The following NLE1 variants were observed in gnomAD, a reference collection of about 807,000 sequenced individuals.
The protein encoded by NLE1 is notchless protein homolog 1.
Under a neutral mutation model 62.8 loss-of-function variants are expected in NLE1, and 37 were observed. The observed-to-expected ratio is 0.59, with a 90% CI of 0.45 to 0.78. NLE1 has a LOEUF of 0.78. NLE1 is among the 30% of genes least tolerant of loss of function. The probability of loss-of-function intolerance (pLI) is 0.00; values close to 1 mark genes in which losing one functional copy is unlikely to be tolerated. For missense variants in NLE1, 555 were observed against 637.9 expected, an observed-to-expected ratio of 0.87 and a Z score of 1.40; for synonymous variants, 243 against 253.0, an observed-to-expected ratio of 0.96 and a Z score of 0.37.
At chr17:35,136,716 C>T (rs1178431176) in intron 7 of NLE1, among the ~76,000 whole-genome samples, 1 of 152,258 alleles carries the variant, frequency 6.6e-6, no homozygotes, top group African/African-American at 2.4e-5. Flanking sequence ...TCAGAGTAAA[C>T]GGCTCCTGTC....
chr17:35,133,100 G>GA, intron 12 of NLE1, 71 bp downstream of exon 12: 1 of 1,414,556 alleles, frequency 7.1e-7, no homozygotes, highest in Non-Finnish European at 1.0e-6. Flanking sequence ...TGCTGTAAGG[G>GA]AAAGTGTGCA....
rs762050355 is a variant in NLE1 at position 35,135,383 on chromosome 17, C to T, written c.1080G>A (p.Glu360=). The T allele has an allele frequency of 5.0e-6, 8 of 1,614,090 alleles. No individual in the cohort carries two copies. The African/African-American group carries it at 5.3e-5, about 11-fold the overall frequency. ...TCATCCGAGTGAGAGGCTTTTTGTC[C>T]TCTGCTGGGGACCACAGGAATAAGG... ...DFTLFLWSPA[E]DKKPLTRMTG... The change falls in exon 10 of 13, where the codon GAG becomes GAA. Residue 360 remains glutamate (E), a synonymous_variant. Coordinates refer to ENST00000442241, the MANE Select transcript of NLE1 (RefSeq NM_018096.5).
chr17:35,135,439 C>A lies in NLE1; in HGVS notation c.1024G>T (p.Glu342Ter). The A allele has an allele frequency of 6.2e-7, 1 of 1,614,080 alleles. No homozygotes were observed. The highest frequency in any genetic ancestry group is 8.5e-7 in the Non-Finnish European group (1 of 1,179,976). Residue 342 changes from glutamate (E) to a stop codon, truncating the protein, a stop_gained, in exon 10 of 13, where the codon GAG becomes TAG. Coordinates refer to ENST00000442241, the MANE Select transcript of NLE1 (RefSeq NM_018096.5). LOFTEE classifies it high-confidence loss of function. ...TCGTCGGAGCCAGACACCAGCCTCTCTGGACCCTGGCCCTAGGGGAGGCAG... is the reference window on the plus strand; with the variant it reads ...TCGTCGGAGCCAGACACCAGCCTCTATGGACCCTGGCCCTAGGGGAGGCAG... ...RYNLVRGQGP[E>*]RLVSGSDDFT...
At chr17:35,133,577 G>T in intron 10 of NLE1, 79 bp from the exon 11 acceptor site, 1 of 1,366,652 alleles carries the variant, frequency 7.3e-7, no homozygotes. Flanking sequence ...CTACGCTCAT[G>T]GCAGTGGTTC....
In NLE1 at chr17:35,129,895, T is replaced by G. The variant is rs2091866153; in HGVS notation, c.*2542A>C. 1 of 1,398,396 alleles carries G rather than the reference T, an allele frequency of 7.2e-7. No individual in the cohort carries two copies. The highest frequency in any genetic ancestry group is 1.4e-5 in the African/African-American group (1 of 69,124). The allele number at this position is 1,398,396 out of a possible 1,614,324, so 86.6% of individuals were successfully genotyped here. A position where few individuals can be genotyped will look rare whatever the true frequency, so the allele number is the denominator to read the frequency against. Reference sequence around the variant, plus strand: ...TGTATTTTTCAACATCACTATAATGTTCCCCTTCCAAAGCCATTGGTTTTT... The same window carrying G: ...TGTATTTTTCAACATCACTATAATGGTCCCCTTCCAAAGCCATTGGTTTTT... On this transcript the variant is annotated 3_prime_UTR_variant, in exon 13 of 13. Transcript: ENST00000442241.
Position 35,129,793 on chromosome 17 carries a change from G to GCAT in NLE1, c.*2641_*2643dup, listed in dbSNP as rs1343069079. On this transcript the variant is annotated 3_prime_UTR_variant, in exon 13 of 13. Transcript: ENST00000442241. ...GCTTTCCTTCTGCCTGGGTCAAGAA[G>GCAT]CATCAATTCCAGAATGCATGCTTCT... The GCAT allele has an allele frequency of 6.9e-7, 1 of 1,452,042 alleles. No homozygotes were observed. The highest frequency in any genetic ancestry group is 9.0e-7 in the Non-Finnish European group (1 of 1,105,872). 89.9% of individuals were successfully genotyped at this position (1,452,042 alleles called of 1,614,324 possible).
chr17:35,129,711 G>A lies in NLE1; in HGVS notation c.*2726C>T, dbSNP rs2091865158. On this transcript the variant is annotated 3_prime_UTR_variant, in exon 13 of 13. Transcript: ENST00000442241. ...GGGGTGGAGAGAAGTCCAAAGCCAGGGAACCAGGGCTTTGGAGGTTGGGAA... is the reference window on the plus strand; with the variant it reads ...GGGGTGGAGAGAAGTCCAAAGCCAGAGAACCAGGGCTTTGGAGGTTGGGAA... The A allele has an allele frequency of 6.3e-7, 1 of 1,585,928 alleles. No individual in the cohort carries two copies. The highest frequency in any genetic ancestry group is 8.6e-7 in the Non-Finnish European group (1 of 1,166,828).
intron 2 of NLE1, among the ~76,000 whole-genome samples, 193 bp from the exon 3 acceptor site, chr17:35,140,259 C>T (rs1305755727): frequency 1.3e-5 from 2 of 152,222 alleles, no homozygotes; most frequent in African/African-American, 4.8e-5. Flanking sequence ...ACAAGAGTCT[C>T]GCTCTGTCAC....
Position 35,133,500 on chromosome 17 carries a change from T to C in NLE1, c.1215-2A>G. On this transcript the variant is annotated splice_acceptor_variant, in intron 10 of 12. Transcript: ENST00000442241. LOFTEE classifies it high-confidence loss of function. The stretch of plus-strand genomic sequence containing the variant: ...TGGCCGCGTAGGGAAGCCAGGTACC[T>C]GGTCCAGGAGAAGACGATGATGGAT... 6.2e-7 allele frequency: 1 copy of C among 1,609,554 alleles called. No homozygotes were observed. Among genetic ancestry groups the C allele is most frequent in the Non-Finnish European group, 8.5e-7 (1 of 1,178,506 alleles).
rs543993116 is a variant in NLE1, at chr17:35,136,104, G to C, written c.1011+65C>G. On this transcript the variant is annotated intron_variant, in intron 9 of 12. Transcript: ENST00000442241. ...GTCTAGAAGGGAGAAGGGTCTGAGA[G>C]GGTTTTAGTGATTGGCTAAGGACTG... 22 of 1,526,570 alleles carry C rather than the reference G, an allele frequency of 1.4e-5. No individual in the cohort carries two copies. In the South Asian group the frequency reaches 2.4e-4, roughly 17 times the overall value. The allele number at this position is 1,526,570 out of a possible 1,614,324, so 94.6% of individuals were successfully genotyped here. A position where few individuals can be genotyped will look rare whatever the true frequency, so the allele number is the denominator to read the frequency against.
Position 35,129,822 on chromosome 17 carries a change from A to C in NLE1, c.*2615T>G, listed in dbSNP as rs2091865707. ...CAATTCCAGAATGCATGCTTCTGGG[A>C]GGTTTAAGGATTAAGCCACTCTGGG... On this transcript the variant is annotated 3_prime_UTR_variant, in exon 13 of 13. Coordinates refer to ENST00000442241, the MANE Select transcript of NLE1 (RefSeq NM_018096.5). 1.4e-6 allele frequency: 2 copies of C among 1,428,260 alleles called. No homozygotes were observed. Among genetic ancestry groups the C allele is most frequent in the East Asian group, 5.1e-5 (2 of 38,968 alleles). 88.5% of individuals were successfully genotyped at this position (1,428,260 alleles called of 1,614,324 possible).
rs543199253 is a variant in NLE1 at position 35,130,406 on chromosome 17, A to G, written c.*2031T>C. 2 of 1,614,052 alleles carry G rather than the reference A, an allele frequency of 1.2e-6. No homozygotes were observed. Among genetic ancestry groups the G allele is most frequent in the Admixed American group, 1.7e-5 (1 of 60,008 alleles). ...GGGCCGGAGGAGATGCGGAGGCTGG[A>G]GGATCTGGAATACCTATTTCCCTGT... is the stretch of plus-strand genomic sequence containing the variant. On this transcript the variant is annotated 3_prime_UTR_variant, in exon 13 of 13. Transcript: ENST00000442241.
Position 35,130,424 on chromosome 17 carries a change from T to C in NLE1, c.*2013A>G. ...AGGCTGGAGGATCTGGAATACCTATTTCCCTGTTAAGGGGGAGGGCCCCAG... is the reference window on the plus strand; with the variant it reads ...AGGCTGGAGGATCTGGAATACCTATCTCCCTGTTAAGGGGGAGGGCCCCAG... On this transcript the variant is annotated 3_prime_UTR_variant, in exon 13 of 13. Coordinates refer to ENST00000442241, the MANE Select transcript of NLE1 (RefSeq NM_018096.5). The C allele has an allele frequency of 6.2e-7, 1 of 1,613,812 alleles. No individual in the cohort carries two copies. The highest frequency in any genetic ancestry group is 8.5e-7 in the Non-Finnish European group (1 of 1,179,926).
chr17:35,138,184 G>C (rs1011079731), intron 4 of NLE1, among the ~76,000 whole-genome samples: 6 of 152,182 alleles, frequency 3.9e-5, no homozygotes, highest in African/African-American at 9.7e-5. Flanking sequence ...CTAAGCTATG[G>C]AGCAAAGCAA....
chr17:35,129,728 G>C lies in NLE1; in HGVS notation c.*2709C>G. ...AAAGCCAGGGAACCAGGGCTTTGGAGGTTGGGAACACCCCTATGCCCACAT... is the reference window on the plus strand; with the variant it reads ...AAAGCCAGGGAACCAGGGCTTTGGACGTTGGGAACACCCCTATGCCCACAT... On this transcript the variant is annotated 3_prime_UTR_variant, in exon 13 of 13. Transcript: ENST00000442241. The C allele has an allele frequency of 6.4e-7, 1 of 1,557,584 alleles. No homozygotes were observed. The highest frequency in any genetic ancestry group is 8.7e-7 in the Non-Finnish European group (1 of 1,151,892).
At position 35,133,501 on chromosome 17, in the gene NLE1, G is replaced by A. The variant is rs1208321965; in HGVS notation, c.1215-3C>T. 6.2e-7 allele frequency: 1 copy of A among 1,609,118 alleles called. No homozygotes were observed. Among genetic ancestry groups the A allele is most frequent in the Non-Finnish European group, 8.5e-7 (1 of 1,178,350 alleles). On this transcript the variant is annotated splice_polypyrimidine_tract_variant and splice_region_variant and intron_variant, in intron 10 of 12. Coordinates refer to ENST00000442241, the MANE Select transcript of NLE1 (RefSeq NM_018096.5). ...GGCCGCGTAGGGAAGCCAGGTACCTGGTCCAGGAGAAGACGATGATGGATT... is the reference window on the plus strand; with the variant it reads ...GGCCGCGTAGGGAAGCCAGGTACCTAGTCCAGGAGAAGACGATGATGGATT...
At chr17:35,136,062 G>C (rs2091906503) in intron 9 of NLE1, 107 bp downstream of exon 9, 1 of 1,079,806 alleles carries the variant, frequency 9.3e-7, no homozygotes, top group African/African-American at 1.6e-5. Context: ...TTTTGGAATA[G>C]GTACATTCTG....
chr17:35,140,217 A>C, intron 2 of NLE1, 151 bp from the exon 3 acceptor site: 1 of 794,652 alleles, frequency 1.3e-6, no homozygotes, highest in Non-Finnish European at 2.0e-6. Flanking sequence ...ATTGAGCAAG[A>C]CCTTTTATTT....
At chr17:35,132,652 GC>G (rs779513184) in intron 12 of NLE1, among the ~76,000 whole-genome samples, 1 of 152,114 alleles carries the variant, frequency 6.6e-6, no homozygotes, top group Admixed American at 6.6e-5. Flanking sequence ...CCAGGGCCTG[GC>G]CCTCGGGATG....
Sources: allele counts gnomAD v4.1 joint callset (sites outside exome capture counted in the v4.1 genomes callset), GRCh38; gene constraint gnomAD v4.1.1; transcripts MANE v1.5; gene names NCBI Gene and HGNC (gene_info 2026-07-23, HGNC 2026-07-21).